CELF5: variants seen among roughly 807,000 people sequenced by gnomAD.
CELF5 encodes the protein CUGBP Elav-like family member 5, also known as CUG-BP and ETR-3 like factor 5.
In CELF5, 6 loss-of-function variants were observed where a neutral mutation model predicts 54.9. The ratio of observed to expected loss-of-function variants is 0.11; its 90% CI spans 0.06 to 0.22. CELF5 has a LOEUF of 0.22. Among genes scored for constraint, CELF5 ranks in the 10% least tolerant of loss-of-function variants. CELF5 has a pLI of 1.00. For synonymous variants in CELF5, 271 were observed against 290.9 expected, an observed-to-expected ratio of 0.93 and a Z score of 0.70; for missense variants, 401 against 678.6, an observed-to-expected ratio of 0.59 and a Z score of 4.54.
chr19:3,288,413 T>G (rs2080288477), intron 10 of CELF5, among the ~76,000 whole-genome samples: 1 of 151,988 alleles, frequency 6.6e-6, no homozygotes, highest in African/African-American at 2.4e-5. Flanking sequence ...TCCCAGCTAC[T>G]CAGGAGGCTG....
intron 1 of CELF5, among the ~76,000 whole-genome samples, chr19:3,226,258 ATGAATGAAT>A (rs1371044581): frequency 7.2e-6 from 1 of 138,768 alleles, no homozygotes; most frequent in African/African-American, 2.6e-5. Context: ...TGTTTATTGA[ATGAATGAAT>A]TGAATGAATG....
chr19:3,233,015 G>A (rs1179210975), intron 1 of CELF5, among the ~76,000 whole-genome samples: 1 of 151,708 alleles, frequency 6.6e-6, no homozygotes, highest in Admixed American at 6.6e-5. Flanking sequence ...CAGAGGTTGT[G>A]GTGAGCTGAG....
chr19:3,281,392 A>C lies in CELF5; in HGVS notation c.750+47A>C, dbSNP rs757514181. On this transcript the variant is annotated intron_variant, in intron 6 of 12. Transcript: ENST00000292672. This position sits in a 1 kb window ranked among gnomAD's most constrained non-coding sequence, Gnocchi z 6.5. Reference sequence around the variant, plus strand: ...TCGGGGCTCCGGCTCCGTCTCTCTCAGTCTCTGTCTACTCTCTGTCGGGCT... The same window carrying C: ...TCGGGGCTCCGGCTCCGTCTCTCTCCGTCTCTGTCTACTCTCTGTCGGGCT... The C allele has an allele frequency of 1.8e-5, 29 of 1,568,818 alleles. No homozygotes were observed. Among genetic ancestry groups the C allele is most frequent in the Non-Finnish European group, 2.5e-5 (29 of 1,155,290 alleles).
At chr19:3,276,905 A>T (rs59742816) in intron 4 of CELF5, among the ~76,000 whole-genome samples, 1 of 152,026 alleles carries the variant, frequency 6.6e-6, no homozygotes, top group East Asian at 1.9e-4. Flanking sequence ...TTCTCCACGG[A>T]CAGAGTTACC....
Position 3,278,195 on chromosome 19 carries a change from G to A in CELF5, c.603+85G>A, listed in dbSNP as rs1375140101. On this transcript the variant is annotated intron_variant, in intron 5 of 12. Transcript: ENST00000292672. This position sits in a 1 kb window ranked among gnomAD's most constrained non-coding sequence, Gnocchi z 4.5. ...GGATGAAACAGGCCATATTCCTACC[G>A]TCGCTGTCATCCGGTAGCCCCTGGC... The A allele has an allele frequency of 2.1e-5, 20 of 968,548 alleles. No homozygotes were observed. The highest frequency in any genetic ancestry group is 6.3e-4 in the Middle Eastern group (2 of 3,200). The allele number at this position is 968,548 out of a possible 1,614,324, so 60.0% of individuals were successfully genotyped here. A position where few individuals can be genotyped will look rare whatever the true frequency, so the allele number is the denominator to read the frequency against.
At chr19:3,244,377 A>G (rs1206529259) in intron 1 of CELF5, among the ~76,000 whole-genome samples, 4 of 137,192 alleles carry the variant, frequency 2.9e-5, no homozygotes, top group East Asian at 4.5e-4. Flanking sequence ...GTGCATCTGT[A>G]TGTGTGTAGT....
At chr19:3,248,893 CCTTCCTTCCTTCCTTT>C (rs749970695) in intron 1 of CELF5, among the ~76,000 whole-genome samples, 85 of 117,482 alleles carry the variant, frequency 7.2e-4, no homozygotes, top group Middle Eastern at 4.3e-3. Context: ...TTCCTTCCTT[CCTTCCTTCCTTCCTTT>C]CTTTCTTTCT....
chr19:3,254,571 A>G (rs1372967729), intron 2 of CELF5, among the ~76,000 whole-genome samples: 1 of 150,028 alleles, frequency 6.7e-6, no homozygotes, highest in Non-Finnish European at 1.5e-5. Context: ...CCATCCACCC[A>G]TCAATTCATC....
Position 3,277,603 on chromosome 19 carries a change from C to T in CELF5, c.524-428C>T, listed in dbSNP as rs145668176. ...ACCACTATGTAATTCCAGAACATTCCACCCCCTCCCTCCACAATATGGCTG... is the reference window on the plus strand; with the variant it reads ...ACCACTATGTAATTCCAGAACATTCTACCCCCTCCCTCCACAATATGGCTG... On this transcript the variant is annotated intron_variant, in intron 4 of 12. Transcript: ENST00000292672. Among the ~76,000 whole-genome samples the T allele has an allele frequency of 6.5e-4, 99 of 152,166 alleles. No homozygotes were observed. The East Asian group carries it at 0.017, about 25-fold the overall frequency.
At chr19:3,266,207 C>T (rs932710507) in intron 2 of CELF5, among the ~76,000 whole-genome samples, 3 of 152,228 alleles carry the variant, frequency 2.0e-5, no homozygotes, top group South Asian at 2.1e-4. Flanking sequence ...CATGGAAAGG[C>T]GGTAACTTCT....
intron 10 of CELF5, among the ~76,000 whole-genome samples, chr19:3,288,823 G>A (rs1455326926): frequency 6.6e-6 from 1 of 152,104 alleles, no homozygotes; most frequent in African/African-American, 2.4e-5. Context: ...AATCCAGCCT[G>A]GGTAACAAAG....
intron 2 of CELF5, among the ~76,000 whole-genome samples, chr19:3,254,540 T>A (rs573662357): frequency 6.6e-6 from 1 of 151,082 alleles, no homozygotes; most frequent in South Asian, 2.1e-4. Context: ...CACTGATCCA[T>A]GTTTCTATCC....
intron 10 of CELF5, among the ~76,000 whole-genome samples, chr19:3,287,453 G>A (rs1460375243): frequency 6.6e-6 from 1 of 150,898 alleles, no homozygotes; most frequent in Admixed American, 6.6e-5. Flanking sequence ...CCAGCTATTG[G>A]GGAGGCTGAG....
chr19:3,236,180 A>T (rs1485623536), intron 1 of CELF5, among the ~76,000 whole-genome samples: 1 of 152,176 alleles, frequency 6.6e-6, no homozygotes, highest in Non-Finnish European at 1.5e-5. Context: ...TTATGCGTGC[A>T]TTGAGGGACA....
At chr19:3,232,535 C>T (rs549091509) in intron 1 of CELF5, among the ~76,000 whole-genome samples, 1 of 151,952 alleles carries the variant, frequency 6.6e-6, no homozygotes, top group East Asian at 1.9e-4. Context: ...TAGAGTGAGG[C>T]CCTTTACAGA....
intron 8 of CELF5, 106 bp from the exon 9 acceptor site, chr19:3,284,770 CCTACAGAGGGTTTAGCACAGAGGAGA>C (rs1312034008): frequency 2.6e-6 from 2 of 764,060 alleles, no homozygotes; most frequent in Non-Finnish European, 4.5e-6. Flanking sequence ...GCTTCCTGGT[CCTACAGAGGGTTTAGCACAGAGGAGA>C]AGCTGGGCGG....
chr19:3,276,772 G>A (rs1310017912), intron 4 of CELF5, among the ~76,000 whole-genome samples: 1 of 150,030 alleles, frequency 6.7e-6, no homozygotes, highest in African/African-American at 2.4e-5. Flanking sequence ...GGGGATGCAG[G>A]GGCAGTACCT....
intron 2 of CELF5, among the ~76,000 whole-genome samples, chr19:3,251,663 T>TG: frequency 7.4e-6 from 1 of 135,044 alleles, no homozygotes; most frequent in African/African-American, 2.7e-5. Flanking sequence ...TTTTTTTTTT[T>TG]TTTTTTTTTT....
intron 1 of CELF5, chr19:3,225,504 C>T: frequency 6.5e-6 from 6 of 921,298 alleles, no homozygotes; most frequent in Non-Finnish European, 7.7e-6. Flanking sequence ...CCCCAGGCCC[C>T]GTCGGGGAAG....
Sources: gnomAD v4.1 joint callset for allele counts (sites outside exome capture counted in the v4.1 genomes callset) on GRCh38, gnomAD v4.1.1 for gene constraint, Gnocchi (gnomAD v3.1) non-coding constraint, MANE v1.5 for transcripts, NCBI Gene and HGNC (gene_info 2026-07-23, HGNC 2026-07-21) for gene names.